Variants in PLCB1 observed in about 807,000 individuals in gnomAD.
PLCB1 encodes phospholipase C beta 1, also known as 1-phosphatidylinositol 4,5-bisphosphate phosphodiesterase beta-1.
PLCB1 carries 46 observed loss-of-function variants against 161.8 expected under a neutral mutation model. The ratio of observed to expected loss-of-function variants is 0.28; its 90% CI spans 0.22 to 0.36. The LOEUF is 0.36. Among genes scored for constraint, PLCB1 ranks in the 10% least tolerant of loss-of-function variants. The probability of loss-of-function intolerance (pLI) is 1.00; values close to 1 mark genes in which losing one functional copy is unlikely to be tolerated. For missense variants in PLCB1, 1,016 were observed against 1,472.5 expected (o/e 0.69, Z 5.07); for synonymous variants, 517 against 503.7 (o/e 1.03, Z -0.35).
intron 3 of PLCB1, among the ~76,000 whole-genome samples, chr20:8,565,984 C>T (rs1600157483): frequency 6.6e-6 from 1 of 151,948 alleles, no homozygotes; most frequent in East Asian, 1.9e-4. Context: ...GAATTTATTC[C>T]CTGTGAAGGA....
intron 3 of PLCB1, among the ~76,000 whole-genome samples, chr20:8,530,202 A>AT (rs1984748935): frequency 2.0e-5 from 3 of 151,880 alleles, no homozygotes; most frequent in South Asian, 2.1e-4. Context: ...AGTTTCTTGG[A>AT]TTTTTTCTTA....
At chr20:8,252,337 G>C (rs966223582) in intron 2 of PLCB1, among the ~76,000 whole-genome samples, 1 of 151,876 alleles carries the variant, frequency 6.6e-6, no homozygotes, top group African/African-American at 2.4e-5. Context: ...TGAACCTGCT[G>C]ACTTCCCTTG....
At chr20:8,417,354 C>T (rs1979346634) in intron 3 of PLCB1, among the ~76,000 whole-genome samples, 1 of 151,256 alleles carries the variant, frequency 6.6e-6, no homozygotes, top group Non-Finnish European at 1.5e-5. Context: ...ACATATATAA[C>T]ATACGCACCC....
chr20:8,686,063 AATAAGT>A (rs1276136160), intron 10 of PLCB1, among the ~76,000 whole-genome samples: 4 of 152,302 alleles, frequency 2.6e-5, no homozygotes, highest in East Asian at 1.9e-4. Flanking sequence ...ACACAATTTA[AATAAGT>A]ATAAGTAAAA....
rs1213656573 is a variant in PLCB1, at chr20:8,585,656, G to A, written c.247-42638G>A. ...TCTTTTTCCAAGTCTGAGCTGAGAT[G>A]TCATATTCTAGAACCACAAGTTCAG... On this transcript the variant is annotated intron_variant, in intron 3 of 31. Coordinates refer to ENST00000338037, the MANE Select transcript of PLCB1 (RefSeq NM_015192.4). Among the ~76,000 whole-genome samples, 3 of 152,118 alleles carry A rather than the reference G, an allele frequency of 2.0e-5. No individual in the cohort carries two copies. The East Asian group carries it at 5.8e-4, about 29-fold the overall frequency.
chr20:8,853,493 G>A (rs1245454435), intron 31 of PLCB1, among the ~76,000 whole-genome samples: 1 of 152,116 alleles, frequency 6.6e-6, no homozygotes, highest in African/African-American at 2.4e-5. Context: ...TTTGCATCTG[G>A]CTTCTTTTTT....
At chr20:8,869,351 C>A (rs985354453) in intron 31 of PLCB1, among the ~76,000 whole-genome samples, 1 of 152,178 alleles carries the variant, frequency 6.6e-6, no homozygotes, top group Non-Finnish European at 1.5e-5. Flanking sequence ...TAGAAAACTT[C>A]TAGGCCTTAA....
chr20:8,425,728 G>A (rs2122560578), intron 3 of PLCB1, among the ~76,000 whole-genome samples: 1 of 152,260 alleles, frequency 6.6e-6, no homozygotes, highest in African/African-American at 2.4e-5. Context: ...AGGCAATGAG[G>A]AGATTCCCAG....
intron 3 of PLCB1, among the ~76,000 whole-genome samples, chr20:8,537,720 T>G (rs1440484277): frequency 6.6e-6 from 1 of 152,162 alleles, no homozygotes; most frequent in African/African-American, 2.4e-5. Flanking sequence ...TGCTCTAAAA[T>G]GGAGCCTCCT....
intron 6 of PLCB1, among the ~76,000 whole-genome samples, chr20:8,648,934 C>T (rs1221894910): frequency 7.3e-6 from 1 of 136,902 alleles, no homozygotes; most frequent in South Asian, 2.3e-4. Context: ...ATGTGAGACC[C>T]TGTCTCTAAA....
chr20:8,151,973 T>C (rs1233246893), intron 2 of PLCB1, among the ~76,000 whole-genome samples: 2 of 152,204 alleles, frequency 1.3e-5, no homozygotes, highest in Non-Finnish European at 2.9e-5. Context: ...TGCATTTCTG[T>C]TGTGAACCCA....
intron 2 of PLCB1, among the ~76,000 whole-genome samples, chr20:8,370,468 C>A (rs1986870551): frequency 6.6e-6 from 1 of 152,304 alleles, no homozygotes; most frequent in Non-Finnish European, 1.5e-5. Flanking sequence ...GCTTCTCTAT[C>A]CTTCTCCCTA....
intron 9 of PLCB1, among the ~76,000 whole-genome samples, chr20:8,674,597 A>G (rs2123371028): frequency 6.6e-6 from 1 of 152,200 alleles, no homozygotes; most frequent in South Asian, 2.1e-4. Flanking sequence ...ATCTACTTAG[A>G]CACTTCTGCT....
At chr20:8,876,182 A>C (rs541073350) in intron 31 of PLCB1, among the ~76,000 whole-genome samples, 3 of 152,216 alleles carry the variant, frequency 2.0e-5, no homozygotes, top group Non-Finnish European at 4.4e-5. Flanking sequence ...AACTGGGCCT[A>C]TAATAAAACA....
At position 8,532,969 on chromosome 20, in the gene PLCB1, C is replaced by T. The variant is rs938981716; in HGVS notation, c.247-95325C>T. On this transcript the variant is annotated intron_variant, in intron 3 of 31. Transcript: ENST00000338037. ...TGCTGGTGTGCTGCACCCATTAACT[C>T]ATCATTTAGCATTAGGTATATCTCC... Among the ~76,000 whole-genome samples, 4 of 151,588 alleles carry T rather than the reference C, an allele frequency of 2.6e-5. No individual in the cohort carries two copies. In the East Asian group the frequency reaches 7.8e-4, roughly 30 times the overall value.
intron 3 of PLCB1, among the ~76,000 whole-genome samples, chr20:8,522,219 G>T (rs1984379528): frequency 6.6e-6 from 1 of 152,178 alleles, no homozygotes; most frequent in African/African-American, 2.4e-5. Flanking sequence ...GCTCCCCTTG[G>T]ATTGAACACA....
At chr20:8,261,014 G>A (rs1316671392) in intron 2 of PLCB1, among the ~76,000 whole-genome samples, 1 of 152,142 alleles carries the variant, frequency 6.6e-6, no homozygotes, top group African/African-American at 2.4e-5. Context: ...AGACCTCACA[G>A]CCCTTGTGTT....
At chr20:8,438,908 C>G (rs1212394051) in intron 3 of PLCB1, among the ~76,000 whole-genome samples, 3 of 152,200 alleles carry the variant, frequency 2.0e-5, no homozygotes, top group Admixed American at 1.3e-4. Context: ...TGGAGCATGA[C>G]TGGCCTTGCA....
intron 2 of PLCB1, among the ~76,000 whole-genome samples, chr20:8,260,273 A>G (rs994342259): frequency 6.7e-6 from 1 of 149,924 alleles, no homozygotes; most frequent in African/African-American, 2.5e-5. Flanking sequence ...TGTTAGAGAC[A>G]AGGTCTTTCC....
Sources: allele counts gnomAD v4.1 joint callset (sites outside exome capture counted in the v4.1 genomes callset), GRCh38; gene constraint gnomAD v4.1.1; transcripts MANE v1.5; gene names NCBI Gene and HGNC (gene_info 2026-07-23, HGNC 2026-07-21).